Variants in CSNK1G3 observed in about 807,000 individuals in gnomAD.
CSNK1G3 encodes the protein casein kinase 1 gamma 3, also known as casein kinase I isoform gamma-3.
Under a neutral mutation model 64.3 loss-of-function variants are expected in CSNK1G3, and 23 were observed. The ratio of observed to expected loss-of-function variants is 0.36; its 90% CI spans 0.26 to 0.51. CSNK1G3 has a LOEUF of 0.51. CSNK1G3 is among the 20% of genes least tolerant of loss of function. The pLI is 0.96. For missense variants in CSNK1G3, 357 were observed against 510.5 expected (o/e 0.70, Z 2.90); for synonymous variants, 158 against 162.2 (o/e 0.97, Z 0.20).
At chr5:123,572,883 G>A (rs116563777) in intron 4 of CSNK1G3, among the ~76,000 whole-genome samples, 1 of 152,312 alleles carries the variant, frequency 6.6e-6, no homozygotes, top group Non-Finnish European at 1.5e-5. Flanking sequence ...GTATAAGTTA[G>A]CCTGGTCACA....
In CSNK1G3 at chr5:123,545,465, A is replaced by C; in HGVS notation, c.-199A>C. 2.2e-6 allele frequency: 1 copy of C among 444,742 alleles called. No homozygotes were observed. The highest frequency in any genetic ancestry group is 4.0e-6 in the Non-Finnish European group (1 of 248,358). 27.5% of individuals were successfully genotyped at this position (444,742 alleles called of 1,614,324 possible). A position where few individuals can be genotyped will look rare whatever the true frequency, so the allele number is the denominator to read the frequency against. ...TCATTGAAAAGATAATTTTGAAGAC[A>C]TGTTTTGCTGAAAAGACACTAAGAA... On this transcript the variant is annotated 5_prime_UTR_variant, in exon 2 of 13. It removes an upstream start codon present in the reference 5' UTR. Transcript: ENST00000345990.
intron 1 of CSNK1G3, among the ~76,000 whole-genome samples, chr5:123,514,165 T>C (rs888570601): frequency 1.3e-5 from 2 of 152,194 alleles, no homozygotes; most frequent in African/African-American, 4.8e-5. Flanking sequence ...ATTATTGAAA[T>C]GGGAGACAGA....
intron 12 of CSNK1G3, among the ~76,000 whole-genome samples, chr5:123,608,220 G>T (rs745716645): frequency 6.6e-6 from 1 of 152,044 alleles, no homozygotes; most frequent in Non-Finnish European, 1.5e-5. Context: ...AATTAGCAGA[G>T]ATCCTTCTCA....
intron 2 of CSNK1G3, among the ~76,000 whole-genome samples, chr5:123,550,073 A>G (rs942833438): frequency 1.3e-5 from 2 of 152,196 alleles, no homozygotes; most frequent in Non-Finnish European, 2.9e-5. Flanking sequence ...CATCATTTTC[A>G]TGTTTATTGA....
intron 1 of CSNK1G3, among the ~76,000 whole-genome samples, chr5:123,524,732 CAAAT>C (rs1390356862): frequency 1.3e-5 from 2 of 152,114 alleles, no homozygotes; most frequent in African/African-American, 4.8e-5. Context: ...AGAAAGGTGA[CAAAT>C]AAATCTGTAT....
chr5:123,579,342 AAC>A (rs1227766468), intron 6 of CSNK1G3, among the ~76,000 whole-genome samples: 8 of 151,806 alleles, frequency 5.3e-5, no homozygotes, highest in Non-Finnish European at 8.9e-5. Context: ...AAAATTATGA[AAC>A]ACAAGTTTTA....
chr5:123,563,537 A>G (rs931452828), intron 4 of CSNK1G3, among the ~76,000 whole-genome samples: 18 of 152,018 alleles, frequency 1.2e-4, no homozygotes, highest in African/African-American at 4.3e-4. Flanking sequence ...TTTTAAGATG[A>G]TTTAGTTCCG....
chr5:123,519,511 T>A (rs1777733938), intron 1 of CSNK1G3, among the ~76,000 whole-genome samples: 2 of 152,228 alleles, frequency 1.3e-5, no homozygotes, highest in Non-Finnish European at 1.5e-5. Context: ...TATAAACTTG[T>A]TTAAATTTTT....
intron 4 of CSNK1G3, among the ~76,000 whole-genome samples, chr5:123,568,584 T>G (rs1787423067): frequency 6.6e-6 from 1 of 152,220 alleles, no homozygotes. Flanking sequence ...AGGTCGACGT[T>G]GAGTTCTTTG....
chr5:123,542,772 C>T (rs374071944), intron 1 of CSNK1G3, among the ~76,000 whole-genome samples: 9 of 149,750 alleles, frequency 6.0e-5, no homozygotes, highest in Admixed American at 2.7e-4. Flanking sequence ...TGCTGTATGT[C>T]GTGTATTTTT....
chr5:123,612,442 A>G (rs1485231223), intron 12 of CSNK1G3, among the ~76,000 whole-genome samples: 1 of 151,392 alleles, frequency 6.6e-6, no homozygotes, highest in Admixed American at 6.6e-5. Flanking sequence ...GTTATTTTAT[A>G]TTCTGTAATC....
intron 12 of CSNK1G3, among the ~76,000 whole-genome samples, chr5:123,610,629 C>T (rs1383430582): frequency 1.3e-5 from 2 of 152,060 alleles, no homozygotes; most frequent in Admixed American, 6.6e-5. Context: ...TGTTTGTTGC[C>T]TAATTGTATT....
chr5:123,575,074 A>G (rs1047129313), intron 5 of CSNK1G3, among the ~76,000 whole-genome samples: 1 of 152,160 alleles, frequency 6.6e-6, no homozygotes, highest in Non-Finnish European at 1.5e-5. Flanking sequence ...ACTCTATTTT[A>G]TGACAGTTTG....
At chr5:123,557,213 T>C (rs1481362227) in intron 3 of CSNK1G3, among the ~76,000 whole-genome samples, 1 of 152,114 alleles carries the variant, frequency 6.6e-6, no homozygotes, top group Non-Finnish European at 1.5e-5. Context: ...ATTTCTCTAG[T>C]GATGAATGTT....
At chr5:123,560,569 A>G (rs1361548232) in intron 4 of CSNK1G3, among the ~76,000 whole-genome samples, 5 of 152,178 alleles carry the variant, frequency 3.3e-5, no homozygotes, top group Admixed American at 6.5e-5. Context: ...GCTCACGCCT[A>G]TAATCCCAGC....
chr5:123,539,438 A>T (rs944887307), intron 1 of CSNK1G3, among the ~76,000 whole-genome samples: 6 of 31,668 alleles, frequency 1.9e-4, no homozygotes, highest in African/African-American at 1.3e-3. Flanking sequence ...AGAGCAGATT[A>T]AAAAAAAAAA....
exon 13 of CSNK1G3, chr5:123,614,707 G>A (rs1294436474): frequency 4.3e-6 from 1 of 232,070 alleles, no homozygotes; most frequent in Non-Finnish European, 8.4e-6. Context: ...AAGTTCTTCT[G>A]TTGTAGAAAG....
intron 1 of CSNK1G3, among the ~76,000 whole-genome samples, chr5:123,540,060 C>G (rs891042755): frequency 2.0e-5 from 3 of 151,816 alleles, no homozygotes; most frequent in Non-Finnish European, 4.4e-5. Flanking sequence ...TTTCGTTGAC[C>G]TTTTTCAAAG....
chr5:123,552,154 T>TTA (rs1277226076), intron 2 of CSNK1G3, among the ~76,000 whole-genome samples: 1 of 150,346 alleles, frequency 6.7e-6, no homozygotes, highest in Non-Finnish European at 1.5e-5. Flanking sequence ...TGATCCTAAT[T>TTA]TTTTTTTTTT....
Sources: allele counts gnomAD v4.1 joint callset (sites outside exome capture counted in the v4.1 genomes callset), GRCh38; gene constraint gnomAD v4.1.1; transcripts MANE v1.5; gene names NCBI Gene and HGNC (gene_info 2026-07-23, HGNC 2026-07-21).